Variants in NBPF9 observed in about 807,000 individuals in gnomAD.
NBPF9 encodes NBPF family member NBPF9.
A neutral mutation model predicts 97.8 loss-of-function variants in NBPF9; 91 were observed. That is an observed-to-expected ratio of 0.93 (90% CI 0.79 to 1.11). The LOEUF (loss-of-function observed/expected upper bound fraction) is 1.11, where lower values mean the gene tolerates loss of function less well. NBPF9 is among the 50% of genes least tolerant of loss of function. The probability of loss-of-function intolerance (pLI) is 0.00; values close to 1 mark genes in which losing one functional copy is unlikely to be tolerated. For missense variants in NBPF9, 992 were observed against 939.5 expected (o/e 1.06, Z -0.73); for synonymous variants, 334 against 359.5 (o/e 0.93, Z 0.80).
intron 11 of NBPF9, among the ~76,000 whole-genome samples, chr1:149,076,698 CG>C (rs1470313733): frequency 6.8e-6 from 1 of 147,542 alleles, no homozygotes; most frequent in African/African-American, 2.5e-5. Flanking sequence ...TTAGTAAAGA[CG>C]GGGTTTCACC....
At chr1:149,095,867 A>G (rs587737814) in intron 4 of NBPF9, among the ~76,000 whole-genome samples, 2 of 151,776 alleles carry the variant, frequency 1.3e-5, no homozygotes, top group African/African-American at 2.4e-5. Context: ...AAAAGTGTAC[A>G]GTCACTTTGG....
chr1:149,087,288 T>A (rs1342396893), intron 5 of NBPF9, among the ~76,000 whole-genome samples: 2 of 151,002 alleles, frequency 1.3e-5, no homozygotes, highest in Non-Finnish European at 2.9e-5. Flanking sequence ...ATATATTCCC[T>A]ATTTGGAGAT....
intron 4 of NBPF9, among the ~76,000 whole-genome samples, chr1:149,094,084 G>A (rs2081589010): frequency 6.6e-6 from 1 of 151,998 alleles, no homozygotes; most frequent in Non-Finnish European, 1.5e-5. Flanking sequence ...GCAGTGAGCT[G>A]AGATGGCGCC....
intron 7 of NBPF9, among the ~76,000 whole-genome samples, chr1:149,080,436 G>A (rs1229051443): frequency 6.6e-6 from 1 of 151,056 alleles, no homozygotes; most frequent in Non-Finnish European, 1.5e-5. Flanking sequence ...AGCCCCTGAG[G>A]TCTGACTCTG....
At position 149,075,551 on chromosome 1, in the gene NBPF9, A is replaced by G. The variant is rs587758689; in HGVS notation, c.988+104T>C. 6.5e-6 allele frequency: 9 copies of G among 1,382,158 alleles called. No homozygotes were observed. The South Asian group carries it at 9.3e-5, about 14-fold the overall frequency. 85.6% of individuals were successfully genotyped at this position (1,382,158 alleles called of 1,614,324 possible). On this transcript the variant is annotated intron_variant, in intron 12 of 29. Transcript: ENST00000584027. ...TACCCATTTCTGTTTTCCTAGAAGT[A>G]TGGGGAGGATGACATTATTTTTGAT...
chr1:149,093,308 G>A (rs587651838), intron 4 of NBPF9, among the ~76,000 whole-genome samples: 4 of 151,248 alleles, frequency 2.6e-5, no homozygotes, highest in Non-Finnish European at 4.4e-5. Flanking sequence ...ATATACAATC[G>A]GGCTTTACAC....
chr1:149,098,459 C>T lies in NBPF9; in HGVS notation c.-358G>A. ...TTACCTGTGGGATCTGGCAGCTCTT[C>T]ATTTGGCCCACACCGTGTGAGGTTG... On this transcript the variant is annotated 5_prime_UTR_variant, in exon 4 of 30. It removes an upstream start codon present in the reference 5' UTR. Coordinates refer to ENST00000584027, the Ensembl canonical transcript of NBPF9. 4 of 1,508,234 alleles carry T rather than the reference C, an allele frequency of 2.7e-6. No homozygotes were observed. The highest frequency in any genetic ancestry group is 3.6e-6 in the Non-Finnish European group (4 of 1,121,588). The allele number at this position is 1,508,234 out of a possible 1,614,324, so 93.4% of individuals were successfully genotyped here.
chr1:149,059,734 C>G lies in NBPF9; in HGVS notation c.2551G>C (p.Glu851Gln), dbSNP rs1407306553. 9 of 587,400 alleles carry G rather than the reference C, an allele frequency of 1.5e-5. 2 individuals carry two copies. Among genetic ancestry groups the G allele is most frequent in the African/African-American group, 1.0e-4 (4 of 39,860 alleles). 36.4% of individuals were successfully genotyped at this position (587,400 alleles called of 1,614,324 possible). A position where few individuals can be genotyped will look rare whatever the true frequency, so the allele number is the denominator to read the frequency against. Reference sequence around the variant, plus strand: ...GGTGGGTTTTGATTTTCTTCCCCTTCTTTTCTTCCCCTTCTTCTTTTCTTC... The same window carrying G: ...GGTGGGTTTTGATTTTCTTCCCCTTGTTTTCTTCCCCTTCTTCTTTTCTTC... The change falls in exon 25 of 30, where the codon GAA (glutamate) becomes CAA (glutamine). Residue 851 changes from glutamate (E) to glutamine (Q), a missense_variant. This residue lies in a region of NBPF9 where 397 missense variants were observed against 213.6 expected (regional missense o/e 1.86). Transcript: ENST00000584027.
At chr1:149,079,152 C>T in exon 9 of NBPF9, 2 of 1,309,414 alleles carry the variant, frequency 1.5e-6, no homozygotes, top group Non-Finnish European at 2.2e-6. Flanking sequence ...AGGCATCTCT[C>T]CCTTCCCGTA....
chr1:149,055,848 T>C (rs1553648709), exon 30 of NBPF9: 1 of 1,606,452 alleles, frequency 6.2e-7, no homozygotes, highest in Admixed American at 1.7e-5. Flanking sequence ...ATCCATCCAG[T>C]GAGTCCTGCA....
At chr1:149,073,022 T>A in intron 13 of NBPF9, 90 bp from the exon 14 acceptor site, 1 of 1,426,822 alleles carries the variant, frequency 7.0e-7, no homozygotes, top group Non-Finnish European at 9.9e-7. Context: ...AACAGTGTCC[T>A]CAAGGAGACC....
At chr1:149,082,962 T>TC (rs1395975203) in intron 5 of NBPF9, among the ~76,000 whole-genome samples, 23 of 102,646 alleles carry the variant, frequency 2.2e-4, no homozygotes, top group African/African-American at 8.1e-4. Context: ...CTTTTCTTTT[T>TC]TTTTTTTTTT....
In NBPF9 at chr1:149,076,004, C is replaced by A; in HGVS notation, c.779-140G>T. 5.3e-6 allele frequency: 4 copies of A among 755,102 alleles called. No individual in the cohort carries two copies. In the South Asian group the frequency reaches 6.1e-5, roughly 12 times the overall value. The allele number at this position is 755,102 out of a possible 1,614,324, so 46.8% of individuals were successfully genotyped here. A position where few individuals can be genotyped will look rare whatever the true frequency, so the allele number is the denominator to read the frequency against. The stretch of plus-strand genomic sequence containing the variant: ...TTCCCTGGTTTCACTCTTGTCATCT[C>A]CAGTCTTGATCTCCTTTAAGTCAAC... On this transcript the variant is annotated intron_variant, in intron 11 of 29. Coordinates refer to ENST00000584027, the Ensembl canonical transcript of NBPF9.
At chr1:149,056,110 A>T (rs2078218862) in intron 29 of NBPF9, among the ~76,000 whole-genome samples, 1 of 150,978 alleles carries the variant, frequency 6.6e-6, no homozygotes, top group South Asian at 2.1e-4. Flanking sequence ...AGAGAAAGAC[A>T]GAGACAGAGA....
intron 21 of NBPF9, among the ~76,000 whole-genome samples, chr1:149,062,634 T>G (rs1227598029): frequency 4.1e-5 from 6 of 145,778 alleles, no homozygotes; most frequent in African/African-American, 5.1e-5. Flanking sequence ...TCCATGCAGT[T>G]GCCATACAGC....
At chr1:149,081,109 GATTT>G (rs1268347245) in intron 7 of NBPF9, among the ~76,000 whole-genome samples, 1 of 151,868 alleles carries the variant, frequency 6.6e-6, no homozygotes, top group Non-Finnish European at 1.5e-5. Context: ...TTTTATTTTT[GATTT>G]ATTTATCTTT....
At chr1:149,076,460 G>C (rs1490989646) in intron 11 of NBPF9, among the ~76,000 whole-genome samples, 3 of 150,492 alleles carry the variant, frequency 2.0e-5, no homozygotes, top group Admixed American at 1.3e-4. Flanking sequence ...GCCTCCCAAA[G>C]TGTTGGGATT....
chr1:149,079,347 G>T lies in NBPF9; in HGVS notation c.279-126C>A, dbSNP rs1257716166. ...TTGAAACAGAAGGTCAGCACATGTT[G>T]AAAGGAATGTCTGTGGCCAAGAGAA... On this transcript the variant is annotated intron_variant, in intron 8 of 29. Coordinates refer to ENST00000584027, the Ensembl canonical transcript of NBPF9. The T allele has an allele frequency of 2.4e-4, 231 of 976,182 alleles. 1 individual carries two copies. Among genetic ancestry groups the T allele is most frequent in the Middle Eastern group, 3.1e-4 (1 of 3,224 alleles). 60.5% of individuals were successfully genotyped at this position (976,182 alleles called of 1,614,324 possible). A position where few individuals can be genotyped will look rare whatever the true frequency, so the allele number is the denominator to read the frequency against.
At chr1:149,082,952 CTT>C (rs1175496893) in intron 5 of NBPF9, among the ~76,000 whole-genome samples, 1 of 60,986 alleles carries the variant, frequency 1.6e-5, no homozygotes, top group African/African-American at 6.0e-5. Flanking sequence ...GCTAATTTTT[CTT>C]TTCTTTTTTT....
Sources: allele counts gnomAD v4.1 joint callset (sites outside exome capture counted in the v4.1 genomes callset), GRCh38; gene constraint gnomAD v4.1.1; regional missense constraint gnomAD v4.1.1; transcripts MANE v1.5; gene names NCBI Gene and HGNC (gene_info 2026-07-23, HGNC 2026-07-21).